KHDRBS2: variants seen among roughly 807,000 people sequenced by gnomAD.
KHDRBS2 encodes KH domain-containing, RNA-binding, signal transduction-associated protein 2.
In KHDRBS2, 26 loss-of-function variants were observed where a neutral mutation model predicts 44.3. That is an observed-to-expected ratio of 0.59 (90% CI 0.43 to 0.81). KHDRBS2 has a LOEUF of 0.81. Among genes scored for constraint, KHDRBS2 ranks in the 40% least tolerant of loss-of-function variants. The pLI, the probability that KHDRBS2 is intolerant of heterozygous loss-of-function variation, is 0.00. For missense variants in KHDRBS2, 476 were observed against 433.1 expected (o/e 1.10, Z -0.88); for synonymous variants, 194 against 151.1 (o/e 1.28, Z -2.08).
intron 2 of KHDRBS2, among the ~76,000 whole-genome samples, chr6:62,091,216 C>A (rs182418861): frequency 1.4e-4 from 21 of 152,228 alleles, no homozygotes; most frequent in African/African-American, 5.1e-4. Flanking sequence ...AATCTTAGGG[C>A]TAGAAAGAAG....
Position 61,709,750 on chromosome 6 carries a change from C to T in KHDRBS2, c.894-12497G>A, listed in dbSNP as rs116528493. Among the ~76,000 whole-genome samples, 1,434 of 151,628 alleles carry T rather than the reference C, an allele frequency of 9.5e-3. 12 individuals are homozygous for T. The highest frequency in any genetic ancestry group is 0.016 in the Non-Finnish European group (1,090 of 67,718). On this transcript the variant is annotated intron_variant, in intron 7 of 8. Transcript: ENST00000281156. The stretch of plus-strand genomic sequence containing the variant: ...ACTAATTAGGCTCAGTGGTACATGA[C>T]GTTATTAAATGAACTGTTACATGCT...
chr6:61,992,446 G>A (rs1015629054), intron 3 of KHDRBS2, among the ~76,000 whole-genome samples: 1 of 152,120 alleles, frequency 6.6e-6, no homozygotes, highest in South Asian at 2.1e-4. Context: ...ATGCAGAAGT[G>A]ATTGCTCCAC....
chr6:62,177,465 AC>A (rs1821379710), intron 1 of KHDRBS2, among the ~76,000 whole-genome samples, 153 bp from the exon 2 acceptor site: 1 of 151,434 alleles, frequency 6.6e-6, no homozygotes, highest in South Asian at 2.1e-4. Flanking sequence ...ACAGCATCTC[AC>A]CAACAGTTAT....
chr6:61,628,557 T>C, the KHDRBS2 span, among the ~76,000 whole-genome samples: 1 of 152,160 alleles, frequency 6.6e-6, no homozygotes, highest in Non-Finnish European at 1.5e-5. Flanking sequence ...TACTCATTAC[T>C]TTGCTTACTC....
chr6:62,197,502 C>A (rs372491850), intron 1 of KHDRBS2, among the ~76,000 whole-genome samples: 1 of 152,090 alleles, frequency 6.6e-6, no homozygotes, highest in South Asian at 2.1e-4. Context: ...GTTTACCGTT[C>A]TTATAAGACA....
intron 3 of KHDRBS2, among the ~76,000 whole-genome samples, chr6:62,018,584 A>T (rs566357464): frequency 6.6e-6 from 1 of 152,218 alleles, no homozygotes; most frequent in East Asian, 1.9e-4. Flanking sequence ...TGACCTCGTG[A>T]TCCGCGCGCC....
intron 4 of KHDRBS2, among the ~76,000 whole-genome samples, chr6:61,906,314 A>G (rs1479933407): frequency 6.6e-6 from 1 of 152,176 alleles, no homozygotes; most frequent in Non-Finnish European, 1.5e-5. Context: ...ATGTTTTGAT[A>G]TAGGTATATG....
intron 6 of KHDRBS2, among the ~76,000 whole-genome samples, chr6:61,850,956 T>C (rs1382866917): frequency 6.6e-6 from 1 of 152,118 alleles, no homozygotes; most frequent in Non-Finnish European, 1.5e-5. Flanking sequence ...GCAGATTACT[T>C]GTCTAAGAAA....
At chr6:62,271,867 T>C (rs1840146117) in intron 1 of KHDRBS2, among the ~76,000 whole-genome samples, 1 of 152,140 alleles carries the variant, frequency 6.6e-6, no homozygotes. Flanking sequence ...AAAGTTATAG[T>C]TAGCCATTAA....
intron 3 of KHDRBS2, among the ~76,000 whole-genome samples, chr6:61,997,230 A>G (rs1162445358): frequency 6.6e-6 from 1 of 152,208 alleles, no homozygotes; most frequent in African/African-American, 2.4e-5. Context: ...TTAGCTGCCT[A>G]CAAGTTTAAA....
the KHDRBS2 span, among the ~76,000 whole-genome samples, chr6:61,627,050 G>A: frequency 6.6e-6 from 1 of 151,568 alleles, no homozygotes; most frequent in African/African-American, 2.4e-5. Context: ...TCAGGAGATC[G>A]AGACCATCCT....
the KHDRBS2 span, among the ~76,000 whole-genome samples, chr6:61,558,103 G>GT: frequency 2.7e-4 from 41 of 151,368 alleles, no homozygotes; most frequent in African/African-American, 9.9e-4. Context: ...CTTTTGTGTT[G>GT]TTTCCTTTAT....
At chr6:62,173,273 A>T (rs1585057629) in intron 2 of KHDRBS2, among the ~76,000 whole-genome samples, 1 of 152,048 alleles carries the variant, frequency 6.6e-6, no homozygotes, top group South Asian at 2.1e-4. Flanking sequence ...GATCCCACAG[A>T]AATACAAAAA....
At position 61,955,481 on chromosome 6, in the gene KHDRBS2, T is replaced by C. The variant is rs201486054; in HGVS notation, c.483+22585A>G. Among the ~76,000 whole-genome samples, 160 of 23,508 alleles carry C rather than the reference T, an allele frequency of 6.8e-3. 16 individuals carry two copies. Among genetic ancestry groups the C allele is most frequent in the African/African-American group, 0.035 (138 of 3,938 alleles). The allele number at this position is 23,508 out of a possible 152,430, so 15.4% of individuals were successfully genotyped here. A position where few individuals can be genotyped will look rare whatever the true frequency, so the allele number is the denominator to read the frequency against. ...ATACATATGTGTATATATACACATATGTATGTATGTATACATGTGTATATA... is the reference window on the plus strand; with the variant it reads ...ATACATATGTGTATATATACACATACGTATGTATGTATACATGTGTATATA... On this transcript the variant is annotated intron_variant, in intron 4 of 8. Transcript: ENST00000281156.
chr6:61,561,302 C>T, the KHDRBS2 span, among the ~76,000 whole-genome samples: 2 of 152,152 alleles, frequency 1.3e-5, no homozygotes, highest in Non-Finnish European at 2.9e-5. Flanking sequence ...CACTGTGACT[C>T]CACTGAGTCA....
chr6:62,078,035 A>AT (rs1315824126), intron 2 of KHDRBS2, among the ~76,000 whole-genome samples: 7 of 152,154 alleles, frequency 4.6e-5, no homozygotes, highest in South Asian at 4.1e-4. Context: ...TTACAATGGC[A>AT]TTTTTTTGTT....
chr6:62,164,158 A>G (rs1818208126), intron 2 of KHDRBS2, among the ~76,000 whole-genome samples: 1 of 151,962 alleles, frequency 6.6e-6, no homozygotes, highest in African/African-American at 2.4e-5. Flanking sequence ...CTTAAATTAT[A>G]ATAAGGAACT....
chr6:61,775,171 C>A (rs1293090723), intron 6 of KHDRBS2, among the ~76,000 whole-genome samples: 1 of 151,962 alleles, frequency 6.6e-6, no homozygotes, highest in Non-Finnish European at 1.5e-5. Flanking sequence ...TATGACAAAC[C>A]CACAGCCAAT....
chr6:61,951,184 G>A (rs1764662977), intron 4 of KHDRBS2, among the ~76,000 whole-genome samples: 1 of 151,994 alleles, frequency 6.6e-6, no homozygotes, highest in Non-Finnish European at 1.5e-5. Context: ...CCTGTATAAG[G>A]TGCAGATTTG....
Sources: gnomAD v4.1 joint callset for allele counts (sites outside exome capture counted in the v4.1 genomes callset) on GRCh38, gnomAD v4.1.1 for gene constraint, MANE v1.5 for transcripts, NCBI Gene and HGNC (gene_info 2026-07-23, HGNC 2026-07-21) for gene names.